Variants in HMCN2 observed in about 807,000 individuals in gnomAD.
The protein encoded by HMCN2 is hemicentin 2, also known as hemicentin-2.
Under a neutral mutation model 377.5 loss-of-function variants are expected in HMCN2, and 325 were observed. That is an observed-to-expected ratio of 0.86 (90% CI 0.79 to 0.94). The LOEUF (loss-of-function observed/expected upper bound fraction) is 0.94. Among genes scored for constraint, HMCN2 ranks in the 40% least tolerant of loss-of-function variants. The probability of loss-of-function intolerance (pLI) is 0.00; values close to 1 mark genes in which losing one functional copy is unlikely to be tolerated. For missense variants in HMCN2, 4,543 were observed against 4,725.3 expected, an observed-to-expected ratio of 0.96 and a Z score of 1.13; for synonymous variants, 2,007 against 2,046.8, an observed-to-expected ratio of 0.98 and a Z score of 0.53.
intron 1 of HMCN2, among the ~76,000 whole-genome samples, chr9:130,278,371 G>A (rs868933093): frequency 9.2e-5 from 14 of 151,952 alleles, no homozygotes; most frequent in East Asian, 7.8e-4. Context: ...TGATCCGCCC[G>A]TCTCGGCCTC....
chr9:130,290,843 A>G (rs1376190023), intron 4 of HMCN2, among the ~76,000 whole-genome samples: 3 of 149,538 alleles, frequency 2.0e-5, no homozygotes, highest in African/African-American at 5.0e-5. Flanking sequence ...TTCTAGGCAC[A>G]TATCTTCTAG....
intron 11 of HMCN2, among the ~76,000 whole-genome samples, 185 bp downstream of exon 11, chr9:130,305,187 C>G (rs1035976394): frequency 6.6e-6 from 1 of 152,334 alleles, no homozygotes. Context: ...TCTAATGGCT[C>G]TCACTGCTGG....
rs1209454551 is a variant in HMCN2, at chr9:130,414,470, C to T, written c.12961+3818C>T. ...AAAACGGAAGATTTAAATAAAAATC[C>T]GAGTCTTACAATACTGAAACTCACT... is the stretch of plus-strand genomic sequence containing the variant. On this transcript the variant is annotated intron_variant, in intron 85 of 97. Coordinates refer to ENST00000683500, the MANE Select transcript of HMCN2 (RefSeq NM_001291815.2). The surrounding 1 kb of genome is among the most constrained non-coding windows in gnomAD (Gnocchi z 4.4). Among the ~76,000 whole-genome samples the T allele has an allele frequency of 6.6e-6, 1 of 152,088 alleles. No individual in the cohort carries two copies. The highest frequency in any genetic ancestry group is 1.5e-5 in the Non-Finnish European group (1 of 68,014).
Position 130,351,952 on chromosome 9 carries a change from C to T in HMCN2, c.4585+375C>T, listed in dbSNP as rs917914012. On this transcript the variant is annotated intron_variant, in intron 30 of 97. Transcript: ENST00000683500. This position sits in a 1 kb window ranked among gnomAD's most constrained non-coding sequence, Gnocchi z 5.4. ...TCAGCCTCCCGAGTAGCTGGGATTA[C>T]AGGTGCCCACCACCACACCCAGTTC... Among the ~76,000 whole-genome samples, 3 of 152,240 alleles carry T rather than the reference C, an allele frequency of 2.0e-5. No homozygotes were observed. Among genetic ancestry groups the T allele is most frequent in the African/African-American group, 7.2e-5 (3 of 41,542 alleles).
chr9:130,303,569 G>A lies in HMCN2; in HGVS notation c.1504G>A (p.Ala502Thr). Residue 502 changes from alanine to threonine, a missense_variant, in exon 10 of 98, where the codon GCT becomes ACT. By Grantham distance (58) the Ala-to-Thr change is moderately conservative. Transcript: ENST00000683500. The surrounding 1 kb of genome is among the most constrained non-coding windows in gnomAD (Gnocchi z 5.2). Reference protein sequence around the residue: ...GTYECTAVSRAGTGRAKAQIV... With the variant: ...GTYECTAVSRTGTGRAKAQIV... ...GTACGAGTGCACAGCCGTCAGCAGG[G>A]CTGGGACCGGGCGAGCAAAGGCCCA... 2.7e-6 allele frequency: 1 copy of A among 374,828 alleles called. No homozygotes were observed. Among genetic ancestry groups the A allele is most frequent in the Non-Finnish European group, 5.7e-6 (1 of 175,226 alleles). 23.2% of individuals were successfully genotyped at this position (374,828 alleles called of 1,614,324 possible). A position where few individuals can be genotyped will look rare whatever the true frequency, so the allele number is the denominator to read the frequency against.
chr9:130,366,036 G>T, intron 43 of HMCN2, 41 bp downstream of exon 43: 5 of 985,732 alleles, frequency 5.1e-6, no homozygotes, highest in Non-Finnish European at 6.0e-6. Context: ...TCATTGCCAG[G>T]CACAAGGAGG....
At chr9:130,290,890 A>T (rs538312121) in intron 4 of HMCN2, among the ~76,000 whole-genome samples, 16 of 151,932 alleles carry the variant, frequency 1.1e-4, no homozygotes, top group African/African-American at 3.6e-4. Flanking sequence ...ACAAAAACCC[A>T]AAAACCTCAT....
chr9:130,391,286 C>T lies in HMCN2; in HGVS notation c.9750C>T (p.Ala3250=), dbSNP rs932221771. 13 of 987,552 alleles carry T rather than the reference C, an allele frequency of 1.3e-5. No individual in the cohort carries two copies. In the South Asian group the frequency reaches 1.4e-4, roughly 11 times the overall value. The allele number at this position is 987,552 out of a possible 1,614,324, so 61.2% of individuals were successfully genotyped here. Reference sequence around the variant, plus strand: ...AGGAGGTGCGGCTGGACTGTGAGGCCGATGGGCAGCCGCCGCCGGACGTGG... The same window carrying T: ...AGGAGGTGCGGCTGGACTGTGAGGCTGATGGGCAGCCGCCGCCGGACGTGG... ...EGQEVRLDCE[A]DGQPPPDVAW... Residue 3250 remains alanine (A), a synonymous_variant, in exon 64 of 98, where the codon GCC becomes GCT. Coordinates refer to ENST00000683500, the MANE Select transcript of HMCN2 (RefSeq NM_001291815.2).
chr9:130,433,531 C>A lies in HMCN2; in HGVS notation c.15078C>A (p.Arg5026=). ...TELSMLEPDP[R]SPFALRPLRA... is the part of the protein sequence containing the mutation. ...TCAGCATGCTGGAGCCCGACCCCCG[C>A]AGCCCCTTCGCGCTGCGTCCGCTGC... The change falls in exon 98 of 98, where the codon CGC becomes CGA. Residue 5026 remains arginine, a synonymous_variant. Coordinates refer to ENST00000683500, the MANE Select transcript of HMCN2 (RefSeq NM_001291815.2). 1 of 1,476,654 alleles carries A rather than the reference C, an allele frequency of 6.8e-7. No homozygotes were observed. Among genetic ancestry groups the A allele is most frequent in the South Asian group, 1.3e-5 (1 of 75,370 alleles). 91.5% of individuals were successfully genotyped at this position (1,476,654 alleles called of 1,614,324 possible).
At chr9:130,295,492 TC>T (rs1361098753) in intron 5 of HMCN2, among the ~76,000 whole-genome samples, 173 bp from the exon 6 acceptor site, 1 of 151,938 alleles carries the variant, frequency 6.6e-6, no homozygotes, top group Non-Finnish European at 1.5e-5. Context: ...CCCCTGGGGA[TC>T]CCTGAGGGTG....
intron 25 of HMCN2, among the ~76,000 whole-genome samples, chr9:130,344,188 C>T (rs989731993): frequency 2.0e-4 from 30 of 152,274 alleles, no homozygotes; most frequent in African/African-American, 7.0e-4. Context: ...GCCTGGCCCC[C>T]GGCGTGGCGG....
chr9:130,303,451 T>A lies in HMCN2; in HGVS notation c.1422-36T>A, dbSNP rs1554935266. On this transcript the variant is annotated intron_variant, in intron 9 of 97. Coordinates refer to ENST00000683500, the MANE Select transcript of HMCN2 (RefSeq NM_001291815.2). This position sits in a 1 kb window ranked among gnomAD's most constrained non-coding sequence, Gnocchi z 5.2. ...GGGGGGGACCCTGAGTGGGGGTCAG[T>A]GTGATTGTGTGTCTCCCACTGTTCC... 1 of 422,422 alleles carries A rather than the reference T, an allele frequency of 2.4e-6. No individual in the cohort carries two copies. Among genetic ancestry groups the A allele is most frequent in the Non-Finnish European group, 5.0e-6 (1 of 199,940 alleles). 26.2% of individuals were successfully genotyped at this position (422,422 alleles called of 1,614,324 possible). A position where few individuals can be genotyped will look rare whatever the true frequency, so the allele number is the denominator to read the frequency against.
chr9:130,400,747 C>A, intron 76 of HMCN2, 36 bp from the exon 77 acceptor site: 1 of 1,259,456 alleles, frequency 7.9e-7, no homozygotes, highest in Non-Finnish European at 1.0e-6. Context: ...GCCCTGTGCC[C>A]GCCGGCAGGG....
intron 96 of HMCN2, 87 bp from the exon 97 acceptor site, chr9:130,432,342 A>G: frequency 7.8e-7 from 1 of 1,284,846 alleles, no homozygotes; most frequent in Admixed American, 2.0e-5. Context: ...CTGGTCCCCC[A>G]AAGGTACTTC....
chr9:130,380,870 G>C (rs1215858105), intron 54 of HMCN2, among the ~76,000 whole-genome samples: 2 of 151,304 alleles, frequency 1.3e-5, no homozygotes, highest in African/African-American at 4.9e-5. Flanking sequence ...GTTCCTATTA[G>C]AAACCTCTGG....
chr9:130,312,640 TCCTCCCTC>T (rs1219017751), intron 15 of HMCN2, among the ~76,000 whole-genome samples: 1 of 111,616 alleles, frequency 9.0e-6, no homozygotes, highest in African/African-American at 3.4e-5. Flanking sequence ...TTCTTTCCCT[TCCTCCCTC>T]CCTCCCTTCC....
chr9:130,378,862 G>T (rs1007669216), intron 53 of HMCN2, among the ~76,000 whole-genome samples: 1 of 152,156 alleles, frequency 6.6e-6, no homozygotes, highest in South Asian at 2.1e-4. Flanking sequence ...TAAAATGCAG[G>T]TGATCAGAGC....
At position 130,432,463 on chromosome 9, in the gene HMCN2, T is replaced by C. The variant is rs901657535; in HGVS notation, c.14802T>C (p.Cys4934=). 5 of 1,551,026 alleles carry C rather than the reference T, an allele frequency of 3.2e-6. No individual in the cohort carries two copies. Among genetic ancestry groups the C allele is most frequent in the African/African-American group, 1.4e-5 (1 of 73,168 alleles). Residue 4934 remains cysteine, a synonymous_variant, in exon 97 of 98, where the codon TGT becomes TGC. Coordinates refer to ENST00000683500, the MANE Select transcript of HMCN2 (RefSeq NM_001291815.2). The part of the protein sequence containing the change: ...INECEEESIE[C]GPGQMCFNTR... ...AGTGCGAGGAGGAGAGCATCGAGTG[T>C]GGACCCGGCCAGATGTGCTTCAACA...
chr9:130,430,444 C>T lies in HMCN2; in HGVS notation c.14487C>T (p.Ser4829=). The change falls in exon 95 of 98, where the codon AGC becomes AGT. Residue 4829 remains serine (S), a synonymous_variant. Coordinates refer to ENST00000683500, the MANE Select transcript of HMCN2 (RefSeq NM_001291815.2). Reference sequence around the variant, plus strand: ...ATGGACAAAATGTGACCACCGTCAGCCACCGAGGCCCTCTATTGCCCTGGC... The same window carrying T: ...ATGGACAAAATGTGACCACCGTCAGTCACCGAGGCCCTCTATTGCCCTGGC... ...ERNGQNVTTV[S]HRGPLLPWLR... 1 of 1,550,594 alleles carries T rather than the reference C, an allele frequency of 6.4e-7. No individual in the cohort carries two copies. The highest frequency in any genetic ancestry group is 8.7e-7 in the Non-Finnish European group (1 of 1,146,986).
Sources: gnomAD v4.1 joint callset for allele counts (sites outside exome capture counted in the v4.1 genomes callset) on GRCh38, gnomAD v4.1.1 for gene constraint, Gnocchi (gnomAD v3.1) non-coding constraint, MANE v1.5 for transcripts, NCBI Gene and HGNC (gene_info 2026-07-23, HGNC 2026-07-21) for gene names.